Variants in FGGY observed in about 807,000 individuals in gnomAD.
FGGY encodes FGGY carbohydrate kinase domain containing.
FGGY carries 72 observed loss-of-function variants against 71.3 expected under a neutral mutation model. That is an observed-to-expected ratio of 1.01 (90% confidence interval 0.84 to 1.23). FGGY has a LOEUF of 1.23. Among genes scored for constraint, FGGY ranks in the 50% most tolerant of loss-of-function variants. FGGY has a pLI of 0.00. For missense variants in FGGY, 668 were observed against 682.3 expected (o/e 0.98, Z 0.23); for synonymous variants, 251 against 250.3 (o/e 1.00, Z -0.02).
intron 5 of FGGY, among the ~76,000 whole-genome samples, chr1:59,455,148 G>A (rs919315412): frequency 3.3e-5 from 5 of 152,162 alleles, no homozygotes; most frequent in African/African-American, 1.2e-4. Context: ...CTGGGCTGAC[G>A]GAGTTGCTGG....
intron 14 of FGGY, among the ~76,000 whole-genome samples, chr1:59,696,999 AAC>A (rs926215244): frequency 6.6e-6 from 1 of 152,174 alleles, no homozygotes; most frequent in African/African-American, 2.4e-5. Flanking sequence ...GAAAAAAAAA[AAC>A]CCTTTACCTC....
intron 7 of FGGY, 48 bp from the exon 8 acceptor site, chr1:59,554,076 T>A (rs751361634): frequency 7.1e-7 from 1 of 1,406,660 alleles, no homozygotes; most frequent in Non-Finnish European, 9.8e-7. Context: ...TCTCTCCCTC[T>A]TTTTTTATGT....
intron 5 of FGGY, among the ~76,000 whole-genome samples, chr1:59,390,228 T>A (rs2060532898): frequency 6.6e-6 from 1 of 152,186 alleles, no homozygotes; most frequent in Non-Finnish European, 1.5e-5. Flanking sequence ...TATCCTTATC[T>A]CTTCACTAAT....
chr1:59,605,689 C>A (rs147603444), intron 8 of FGGY, among the ~76,000 whole-genome samples: 3 of 152,082 alleles, frequency 2.0e-5, no homozygotes, highest in East Asian at 1.9e-4. Context: ...TCCTTCCCCC[C>A]CTTCCCATTT....
At chr1:59,694,917 A>G (rs1008431967) in intron 14 of FGGY, among the ~76,000 whole-genome samples, 2 of 152,202 alleles carry the variant, frequency 1.3e-5, no homozygotes, top group African/African-American at 2.4e-5. Flanking sequence ...CATAGAGAGT[A>G]TGGTGTTTCC....
In FGGY at chr1:59,579,363, G is replaced by A. The variant is rs144869199; in HGVS notation, c.903+25136G>A. Among the ~76,000 whole-genome samples, 181 of 152,148 alleles carry A rather than the reference G, an allele frequency of 1.2e-3. 1 individual carries two copies. The highest frequency in any genetic ancestry group is 4.2e-3 in the African/African-American group (174 of 41,482). On this transcript the variant is annotated intron_variant, in intron 8 of 15. Coordinates refer to ENST00000303721, the MANE Select transcript of FGGY (RefSeq NM_018291.5). Reference sequence around the variant, plus strand: ...CTTTAAGACACCATCTGTAGAGTATGACCTCCAAACATATATCTCCAGCCT... The same window carrying A: ...CTTTAAGACACCATCTGTAGAGTATAACCTCCAAACATATATCTCCAGCCT...
At chr1:59,545,057 T>C (rs1199296906) in intron 7 of FGGY, among the ~76,000 whole-genome samples, 3 of 152,238 alleles carry the variant, frequency 2.0e-5, no homozygotes, top group Non-Finnish European at 4.4e-5. Context: ...TTCCTTCTGT[T>C]AGACTATTCA....
At chr1:59,452,723 A>G (rs1180529023) in intron 5 of FGGY, among the ~76,000 whole-genome samples, 7 of 152,224 alleles carry the variant, frequency 4.6e-5, no homozygotes, top group Non-Finnish European at 8.8e-5. Context: ...TTGGGCTGGC[A>G]GTCACCCAAC....
chr1:59,625,231 G>A (rs983032430), intron 9 of FGGY, among the ~76,000 whole-genome samples: 6 of 152,162 alleles, frequency 3.9e-5, no homozygotes, highest in Admixed American at 2.0e-4. Flanking sequence ...GTGTGTTATG[G>A]CAAGCAGAGT....
intron 11 of FGGY, among the ~76,000 whole-genome samples, chr1:59,655,230 T>A (rs944129809): frequency 6.6e-6 from 1 of 152,182 alleles, no homozygotes; most frequent in African/African-American, 2.4e-5. Flanking sequence ...TGAACACTTA[T>A]TAAGAGAAAC....
chr1:59,605,072 C>T (rs1388841417), intron 8 of FGGY, among the ~76,000 whole-genome samples: 1 of 151,916 alleles, frequency 6.6e-6, no homozygotes, highest in Non-Finnish European at 1.5e-5. Flanking sequence ...ACACAACACT[C>T]ACACTCACCC....
intron 6 of FGGY, among the ~76,000 whole-genome samples, chr1:59,495,298 G>A (rs903063790): frequency 6.6e-6 from 1 of 152,026 alleles, no homozygotes; most frequent in African/African-American, 2.4e-5. Context: ...TTACTCTATT[G>A]ATAGTTTCTT....
At chr1:59,574,568 T>C (rs757734493) in intron 8 of FGGY, among the ~76,000 whole-genome samples, 25 of 152,172 alleles carry the variant, frequency 1.6e-4, no homozygotes, top group Non-Finnish European at 3.7e-4. Context: ...AGAAGTGACA[T>C]TTAAATGTGT....
chr1:59,536,597 C>T (rs1007302146), intron 7 of FGGY, among the ~76,000 whole-genome samples: 11 of 152,044 alleles, frequency 7.2e-5, no homozygotes, highest in East Asian at 1.9e-4. Context: ...ACTGGCAAAC[C>T]GAATCCAGCA....
intron 14 of FGGY, 54 bp downstream of exon 14, chr1:59,674,187 T>G (rs1333120318): frequency 7.2e-7 from 1 of 1,387,254 alleles, no homozygotes; most frequent in East Asian, 2.4e-5. Flanking sequence ...GAGGCCATCC[T>G]TCCTCTTGAC....
At chr1:59,395,961 T>C (rs997963491) in intron 5 of FGGY, among the ~76,000 whole-genome samples, 2 of 152,178 alleles carry the variant, frequency 1.3e-5, no homozygotes, top group African/African-American at 4.8e-5. Context: ...TGTAAAGAGT[T>C]CATTCATTAG....
intron 14 of FGGY, among the ~76,000 whole-genome samples, chr1:59,702,894 A>C (rs1324524504): frequency 6.6e-6 from 1 of 152,110 alleles, no homozygotes; most frequent in African/African-American, 2.4e-5. Flanking sequence ...CCTCCAGAGT[A>C]CCTTAAGAAG....
intron 14 of FGGY, among the ~76,000 whole-genome samples, chr1:59,734,942 G>A (rs1203431102): frequency 6.6e-6 from 1 of 152,218 alleles, no homozygotes; most frequent in African/African-American, 2.4e-5. Context: ...TAATTACCTG[G>A]CAGAGATAAG....
rs537826743 is a variant in FGGY, at chr1:59,319,760, C to T, written c.-14-1776C>T. The stretch of plus-strand genomic sequence containing the variant: ...GTATTAGGCGGGGCTGGATGGCAGG[C>T]AGAGGGAGCCTGTGGAGGGTGTGAG... On this transcript the variant is annotated intron_variant, in intron 1 of 15. Transcript: ENST00000303721. Among the ~76,000 whole-genome samples the T allele has an allele frequency of 3.3e-5, 5 of 152,112 alleles. No individual in the cohort carries two copies. The South Asian group carries it at 8.3e-4, about 25-fold the overall frequency.
Sources: gnomAD v4.1 joint callset for allele counts (sites outside exome capture counted in the v4.1 genomes callset) on GRCh38, gnomAD v4.1.1 for gene constraint, MANE v1.5 for transcripts, NCBI Gene and HGNC (gene_info 2026-07-23, HGNC 2026-07-21) for gene names.